The following CCDC68 variants were observed in gnomAD, a reference collection of about 807,000 sequenced individuals.
CCDC68 encodes the protein coiled-coil domain-containing protein 68.
Under a neutral mutation model 47.1 loss-of-function variants are expected in CCDC68, and 45 were observed. The observed-to-expected ratio is 0.96, with a 90% CI of 0.75 to 1.23. The LOEUF is 1.23. Among genes scored for constraint, CCDC68 ranks in the 50% most tolerant of loss-of-function variants. The probability of loss-of-function intolerance (pLI) is 0.00; values close to 1 mark genes in which losing one functional copy is unlikely to be tolerated. For synonymous variants in CCDC68, 131 were observed against 129.5 expected, an observed-to-expected ratio of 1.01 and a Z score of -0.08; for missense variants, 353 against 373.6, an observed-to-expected ratio of 0.94 and a Z score of 0.45.
intron 1 of CCDC68, among the ~76,000 whole-genome samples, chr18:54,946,092 T>C (rs1289862912): frequency 2.0e-5 from 3 of 152,210 alleles, no homozygotes; most frequent in African/African-American, 7.2e-5. Context: ...ATTTCAAATT[T>C]AGTATTCATA....
chr18:54,937,992 C>T lies in CCDC68; in HGVS notation c.310G>A (p.Glu104Lys). The change falls in exon 5 of 12, where the codon GAA (glutamate) becomes AAA (lysine). Residue 104 changes from glutamate to lysine, a missense_variant. Coordinates refer to ENST00000591504, the MANE Select transcript of CCDC68 (RefSeq NM_025214.3). ...AATACTTCATTCTCTTTGTTCATTT[C>T]TAAGAGCTGTAGGTCTTTTCCTTTT... ...KIKGKDLQLL[E>K]MNKENEVLKI... 1 of 1,613,080 alleles carries T rather than the reference C, an allele frequency of 6.2e-7. No homozygotes were observed. Among genetic ancestry groups the T allele is most frequent in the Non-Finnish European group, 8.5e-7 (1 of 1,179,572 alleles).
chr18:54,903,554 A>G lies in CCDC68; in HGVS notation c.*804T>C, dbSNP rs1913802766. 1 of 152,178 alleles carries G rather than the reference A, an allele frequency of 6.6e-6. No homozygotes were observed. Among genetic ancestry groups the G allele is most frequent in the African/African-American group, 2.4e-5 (1 of 41,454 alleles). 9.4% of individuals were successfully genotyped at this position (152,178 alleles called of 1,614,324 possible). The stretch of plus-strand genomic sequence containing the variant: ...TATGAGCTAACAGCATTATTTTTCT[A>G]TCCCCCCAATATTTTATTTAGATAC... On this transcript the variant is annotated 3_prime_UTR_variant, in exon 12 of 12. Transcript: ENST00000591504.
At chr18:54,956,601 A>G (rs1331000008) in intron 1 of CCDC68, among the ~76,000 whole-genome samples, 1 of 152,264 alleles carries the variant, frequency 6.6e-6, no homozygotes, top group East Asian at 1.9e-4. Flanking sequence ...AACTACAGCT[A>G]CATGTGACAA....
At chr18:54,936,152 TATTTATTA>T (rs2044339334) in intron 6 of CCDC68, among the ~76,000 whole-genome samples, 1 of 145,728 alleles carries the variant, frequency 6.9e-6, no homozygotes, top group Non-Finnish European at 1.5e-5. Flanking sequence ...ATTATATATT[TATTTATTA>T]TATTAGATAT....
At chr18:54,913,199 A>C (rs767983002) in intron 10 of CCDC68, among the ~76,000 whole-genome samples, 1 of 152,220 alleles carries the variant, frequency 6.6e-6, no homozygotes, top group Non-Finnish European at 1.5e-5. Flanking sequence ...AGTCAACATT[A>C]GCTCTCCTGG....
chr18:54,918,346 G>A (rs773158828), intron 9 of CCDC68, among the ~76,000 whole-genome samples: 16 of 152,170 alleles, frequency 1.1e-4, no homozygotes, highest in Non-Finnish European at 2.1e-4. Flanking sequence ...GACAGGATGC[G>A]AGACCACTGC....
chr18:54,929,919 T>A (rs1425078917), intron 7 of CCDC68, among the ~76,000 whole-genome samples: 1 of 152,198 alleles, frequency 6.6e-6, no homozygotes, highest in Non-Finnish European at 1.5e-5. Context: ...AGTTTTAATA[T>A]CATATTGGGT....
At position 54,901,523 on chromosome 18, in the gene CCDC68, A is replaced by G. The variant is rs955793012; in HGVS notation, c.*2835T>C. 1 of 152,194 alleles carries G rather than the reference A, an allele frequency of 6.6e-6. No homozygotes were observed. Among genetic ancestry groups the G allele is most frequent in the Admixed American group, 6.5e-5 (1 of 15,274 alleles). 9.4% of individuals were successfully genotyped at this position (152,194 alleles called of 1,614,324 possible). On this transcript the variant is annotated 3_prime_UTR_variant, in exon 12 of 12. Transcript: ENST00000591504. ...AAACTACTTAATTCATTTATGCATA[A>G]TTTTAATATAAAAAGAAAACCAAAC...
intron 8 of CCDC68, 129 bp from the exon 9 acceptor site, chr18:54,919,505 C>T (rs1268658797): frequency 2.6e-5 from 18 of 691,224 alleles, no homozygotes; most frequent in Non-Finnish European, 3.9e-5. Context: ...CCCCGGGGCC[C>T]CATTATGCCA....
chr18:54,907,837 G>T lies in CCDC68; in HGVS notation c.899C>A (p.Ala300Glu), dbSNP rs781047467. ...AQNKELKTQV[A>E]LSSETPRTKV... ...TGTCCTAGGAGTTTCAGATGAAAGTGCTACCTGGGTTTTTAGTTCTTTATT... is the reference window on the plus strand; with the variant it reads ...TGTCCTAGGAGTTTCAGATGAAAGTTCTACCTGGGTTTTTAGTTCTTTATT... The change falls in exon 11 of 12, where the codon GCA becomes GAA. Residue 300 changes from alanine (A) to glutamate (E), a missense_variant. Transcript: ENST00000591504. 4.4e-6 allele frequency: 7 copies of T among 1,607,662 alleles called. No homozygotes were observed. The highest frequency in any genetic ancestry group is 6.0e-6 in the Non-Finnish European group (7 of 1,174,188).
intron 11 of CCDC68, among the ~76,000 whole-genome samples, chr18:54,907,350 A>G (rs1305248956): frequency 6.6e-6 from 1 of 152,220 alleles, no homozygotes; most frequent in Non-Finnish European, 1.5e-5. Context: ...AAAAAGAACT[A>G]TTCTTGCCCT....
At chr18:54,956,561 T>A (rs761697965) in intron 1 of CCDC68, among the ~76,000 whole-genome samples, 1 of 152,204 alleles carries the variant, frequency 6.6e-6, no homozygotes, top group Non-Finnish European at 1.5e-5. Flanking sequence ...TGGCATGGAA[T>A]AAATCCTAGT....
intron 11 of CCDC68, 87 bp from the exon 12 acceptor site, chr18:54,904,502 A>T: frequency 2.9e-6 from 3 of 1,017,194 alleles, no homozygotes; most frequent in Admixed American, 3.7e-5. Context: ...CTACCACAAT[A>T]CTATTCACAT....
chr18:54,947,002 C>G (rs1374852640), intron 1 of CCDC68, among the ~76,000 whole-genome samples: 2 of 152,142 alleles, frequency 1.3e-5, no homozygotes, highest in Non-Finnish European at 2.9e-5. Context: ...AAATTAAATT[C>G]CATTTCTGTC....
intron 4 of CCDC68, among the ~76,000 whole-genome samples, chr18:54,940,070 C>T (rs72930904): frequency 0.14 from 21,193 of 152,030 alleles, 1,560 homozygotes; most frequent in Non-Finnish European, 0.16. Context: ...ACATTGGGAA[C>T]GGTCCCCTCA....
At position 54,929,004 on chromosome 18, in the gene CCDC68, C is replaced by G. The variant is rs543722419; in HGVS notation, c.601-122G>C. On this transcript the variant is annotated intron_variant, in intron 7 of 11. Coordinates refer to ENST00000591504, the MANE Select transcript of CCDC68 (RefSeq NM_025214.3). ...GTTAATTTCACATGTGCTGTTACTCCTCATCTTCAAGGAAACCTGGCCAAG... is the reference window on the plus strand; with the variant it reads ...GTTAATTTCACATGTGCTGTTACTCGTCATCTTCAAGGAAACCTGGCCAAG... 1.9e-3 allele frequency: 1,202 copies of G among 643,452 alleles called. 19 individuals are homozygous for G. In the South Asian group the frequency reaches 0.023, roughly 12 times the overall value. 39.9% of individuals were successfully genotyped at this position (643,452 alleles called of 1,614,324 possible). A position where few individuals can be genotyped will look rare whatever the true frequency, so the allele number is the denominator to read the frequency against.
chr18:54,925,598 AT>A (rs927949577), intron 8 of CCDC68, among the ~76,000 whole-genome samples: 8 of 152,204 alleles, frequency 5.3e-5, no homozygotes, highest in African/African-American at 1.9e-4. Context: ...TTATAGAGGC[AT>A]TGGAAATGTG....
intron 7 of CCDC68, among the ~76,000 whole-genome samples, chr18:54,929,144 C>A (rs2044200245): frequency 6.6e-6 from 1 of 152,196 alleles, no homozygotes; most frequent in Non-Finnish European, 1.5e-5. Flanking sequence ...TGCCCATAGC[C>A]TGTTCAGCTC....
chr18:54,917,472 G>C lies in CCDC68; in HGVS notation c.873+441C>G, dbSNP rs1395830073. On this transcript the variant is annotated intron_variant, in intron 10 of 11. Coordinates refer to ENST00000591504, the MANE Select transcript of CCDC68 (RefSeq NM_025214.3). ...CCTCTCCATTACAGCAAGTATTCTGGAAAATCCGAATGAACTTTTAATAAT... is the reference window on the plus strand; with the variant it reads ...CCTCTCCATTACAGCAAGTATTCTGCAAAATCCGAATGAACTTTTAATAAT... Among the ~76,000 whole-genome samples the C allele has an allele frequency of 2.6e-5, 4 of 152,168 alleles. No individual in the cohort carries two copies. In the East Asian group the frequency reaches 7.7e-4, roughly 29 times the overall value.
Sources: allele counts gnomAD v4.1 joint callset (sites outside exome capture counted in the v4.1 genomes callset), GRCh38; gene constraint gnomAD v4.1.1; transcripts MANE v1.5; gene names NCBI Gene and HGNC (gene_info 2026-07-23, HGNC 2026-07-21).